The following CYTH1 variants were observed in gnomAD, a reference collection of about 807,000 sequenced individuals.
CYTH1 encodes cytohesin-1.
In CYTH1, 18 loss-of-function variants were observed where a neutral mutation model predicts 61.8. The observed-to-expected ratio is 0.29, with a 90% confidence interval of 0.20 to 0.43. CYTH1 has a LOEUF of 0.43. CYTH1 is among the 20% of genes least tolerant of loss of function. The pLI, the probability that CYTH1 is intolerant of heterozygous loss-of-function variation, is 1.00. For synonymous variants in CYTH1, 174 were observed against 184.3 expected (o/e 0.94, Z 0.45); for missense variants, 336 against 510.5 (o/e 0.66, Z 3.29).
chr17:78,775,093 C>A (rs2093485795), intron 1 of CYTH1, among the ~76,000 whole-genome samples: 1 of 152,204 alleles, frequency 6.6e-6, no homozygotes, highest in South Asian at 2.1e-4. Context: ...TGCAGTCACC[C>A]CAGCTCCCGA....
At chr17:78,758,803 T>A (rs556535003) in intron 1 of CYTH1, among the ~76,000 whole-genome samples, 1 of 152,228 alleles carries the variant, frequency 6.6e-6, no homozygotes, top group South Asian at 2.1e-4. Context: ...ACCCAATTCA[T>A]GCATAGACAT....
chr17:78,738,510 G>A (rs773226076), intron 1 of CYTH1, among the ~76,000 whole-genome samples: 1 of 152,108 alleles, frequency 6.6e-6, no homozygotes, highest in Non-Finnish European at 1.5e-5. Context: ...GCAAGACAAC[G>A]GGGCGCTGTC....
chr17:78,720,807 T>C (rs995528657), intron 1 of CYTH1, among the ~76,000 whole-genome samples: 1 of 152,130 alleles, frequency 6.6e-6, no homozygotes, highest in Non-Finnish European at 1.5e-5. Flanking sequence ...CCCTGGAATG[T>C]GGAGGTTGCA....
chr17:78,692,626 T>C (rs896085567), intron 10 of CYTH1, 133 bp from the exon 11 acceptor site: 81 of 714,392 alleles, frequency 1.1e-4, no homozygotes, highest in South Asian at 9.1e-4. Flanking sequence ...GCCCACAACA[T>C]TGACATCAGT....
At chr17:78,776,063 G>A (rs2093489737) in intron 1 of CYTH1, among the ~76,000 whole-genome samples, 1 of 152,182 alleles carries the variant, frequency 6.6e-6, no homozygotes, top group Admixed American at 6.6e-5. Context: ...GCTGAGACAG[G>A]AGAATCACTT....
intron 1 of CYTH1, among the ~76,000 whole-genome samples, chr17:78,779,521 G>C (rs2093508205): frequency 6.6e-6 from 1 of 152,190 alleles, no homozygotes; most frequent in East Asian, 1.9e-4. Context: ...CCCAGAACTT[G>C]TGAATAGGTT....
chr17:78,725,010 G>T (rs2093257998), intron 1 of CYTH1, among the ~76,000 whole-genome samples: 1 of 152,146 alleles, frequency 6.6e-6, no homozygotes, highest in Non-Finnish European at 1.5e-5. Context: ...TCTACAAAAT[G>T]TATATTGAGA....
rs140347768 is a variant in CYTH1, at chr17:78,707,682, A to ATTTT, written c.170+511_170+514dup. Among the ~76,000 whole-genome samples, 10 of 141,876 alleles carry ATTTT rather than the reference A, an allele frequency of 7.0e-5. No homozygotes were observed. In the East Asian group the frequency reaches 1.7e-3, roughly 23 times the overall value. 93.1% of individuals were successfully genotyped at this position (141,876 alleles called of 152,430 possible). On this transcript the variant is annotated intron_variant, in intron 3 of 13. Transcript: ENST00000446868. ...GGGACCTTTGAAGTTCTCCAGTTCA[A>ATTTT]TTTTTTTTTTTTTTTTTGAGACGGA...
At chr17:78,773,911 TAAGTA>T (rs1264838161) in intron 1 of CYTH1, among the ~76,000 whole-genome samples, 1 of 151,752 alleles carries the variant, frequency 6.6e-6, no homozygotes, top group Non-Finnish European at 1.5e-5. Context: ...TAACCTAAGT[TAAGTA>T]AATAAACCAT....
At chr17:78,698,468 A>G in intron 8 of CYTH1, 88 bp from the exon 9 acceptor site, 1 of 1,096,226 alleles carries the variant, frequency 9.1e-7, no homozygotes, top group South Asian at 1.3e-5. Flanking sequence ...ACAAGCATTC[A>G]TGTGCCTATA....
At chr17:78,758,607 G>T (rs910430662) in intron 1 of CYTH1, among the ~76,000 whole-genome samples, 1 of 152,174 alleles carries the variant, frequency 6.6e-6, no homozygotes, top group African/African-American at 2.4e-5. Context: ...GCTAGGCTGA[G>T]GCAAGAGAAT....
intron 1 of CYTH1, among the ~76,000 whole-genome samples, chr17:78,758,895 G>T (rs1176026185): frequency 6.6e-6 from 1 of 152,030 alleles, no homozygotes; most frequent in Non-Finnish European, 1.5e-5. Context: ...GCTATTTGCT[G>T]TGCGATGTGT....
chr17:78,734,702 A>G (rs949705230), intron 1 of CYTH1, among the ~76,000 whole-genome samples: 1 of 152,114 alleles, frequency 6.6e-6, no homozygotes, highest in African/African-American at 2.4e-5. Flanking sequence ...GGCCTCCCAA[A>G]GTGCTGGGAT....
At chr17:78,712,912 G>T (rs1446450974) in intron 1 of CYTH1, among the ~76,000 whole-genome samples, 1 of 151,650 alleles carries the variant, frequency 6.6e-6, no homozygotes, top group Non-Finnish European at 1.5e-5. Context: ...TTGGAGGACG[G>T]AGCCTTAAAT....
intron 1 of CYTH1, among the ~76,000 whole-genome samples, chr17:78,774,861 C>T (rs575568517): frequency 6.6e-6 from 1 of 152,276 alleles, no homozygotes; most frequent in Admixed American, 6.5e-5. Flanking sequence ...AGTAGACACT[C>T]AAGATTATGC....
At chr17:78,751,481 A>AG (rs979169040) in intron 1 of CYTH1, among the ~76,000 whole-genome samples, 1 of 152,016 alleles carries the variant, frequency 6.6e-6, no homozygotes, top group Non-Finnish European at 1.5e-5. Flanking sequence ...ATACAAAAAA[A>AG]AAAAAATGTA....
chr17:78,704,122 G>A (rs1206231899), intron 3 of CYTH1, among the ~76,000 whole-genome samples: 1 of 152,190 alleles, frequency 6.6e-6, no homozygotes, highest in Admixed American at 6.5e-5. Flanking sequence ...ACGTGAAGAC[G>A]CTCCGCTCGT....
At chr17:78,780,010 A>C (rs906549277) in intron 1 of CYTH1, among the ~76,000 whole-genome samples, 2 of 152,264 alleles carry the variant, frequency 1.3e-5, no homozygotes, top group Admixed American at 1.3e-4. Context: ...CCAGACCAAT[A>C]GCTTCCTGCC....
At position 78,718,906 on chromosome 17, in the gene CYTH1, T is replaced by C. The variant is rs191242518; in HGVS notation, c.23-9174A>G. Among the ~76,000 whole-genome samples, 8 of 152,344 alleles carry C rather than the reference T, an allele frequency of 5.3e-5. No homozygotes were observed. The East Asian group carries it at 7.7e-4, about 15-fold the overall frequency. On this transcript the variant is annotated intron_variant, in intron 1 of 13. Transcript: ENST00000446868. ...TTCCTCTTTTGCTTCTTTCTAACAATGTCATCATTGACGCATTCAGCCTGC... is the reference window on the plus strand; with the variant it reads ...TTCCTCTTTTGCTTCTTTCTAACAACGTCATCATTGACGCATTCAGCCTGC...
Sources: allele counts gnomAD v4.1 joint callset (sites outside exome capture counted in the v4.1 genomes callset), GRCh38; gene constraint gnomAD v4.1.1; transcripts MANE v1.5; gene names NCBI Gene and HGNC (gene_info 2026-07-23, HGNC 2026-07-21).